GRID2IP: variants seen among roughly 807,000 people sequenced by gnomAD.
The protein encoded by GRID2IP is delphilin.
Under a neutral mutation model 114.3 loss-of-function variants are expected in GRID2IP, and 78 were observed. The ratio of observed to expected loss-of-function variants is 0.68; its 90% CI spans 0.57 to 0.82. The LOEUF (loss-of-function observed/expected upper bound fraction) is 0.82, where lower values mean the gene tolerates loss of function less well. Among genes scored for constraint, GRID2IP ranks in the 40% least tolerant of loss-of-function variants. The pLI, the probability that GRID2IP is intolerant of heterozygous loss-of-function variation, is 0.00. For missense variants in GRID2IP, 1,727 were observed against 1,678.5 expected, an observed-to-expected ratio of 1.03 and a Z score of -0.51; for synonymous variants, 809 against 724.0, an observed-to-expected ratio of 1.12 and a Z score of -1.89.
chr7:6,516,793 G>T lies in GRID2IP; in HGVS notation c.1269-2264C>A, dbSNP rs1195436959. On this transcript the variant is annotated intron_variant, in intron 7 of 21. Coordinates refer to ENST00000457091, the MANE Select transcript of GRID2IP (RefSeq NM_001145118.2). The surrounding 1 kb of genome is among the most constrained non-coding windows in gnomAD (Gnocchi z 4.3). ...ACTAAAGTCTTTAAAATGCATAGAA[G>T]AAATAATTACGTAAGCTGTCCCCTC... Among the ~76,000 whole-genome samples the T allele has an allele frequency of 2.0e-5, 3 of 152,176 alleles. No individual in the cohort carries two copies. The highest frequency in any genetic ancestry group is 4.4e-5 in the Non-Finnish European group (3 of 68,044).
intron 2 of GRID2IP, among the ~76,000 whole-genome samples, chr7:6,529,537 T>C (rs1474980063): frequency 1.3e-5 from 2 of 152,186 alleles, no homozygotes; most frequent in Non-Finnish European, 2.9e-5. Context: ...GCCCTTTCCT[T>C]ACTTGGTGTT....
In GRID2IP at chr7:6,501,898, C is replaced by T. The variant is rs1297350945; in HGVS notation, c.3282G>A (p.Val1094=). The T allele has an allele frequency of 1.9e-6, 3 of 1,551,344 alleles. No individual in the cohort carries two copies. In the Admixed American group the frequency reaches 5.9e-5, roughly 30 times the overall value. The change falls in exon 20 of 22, where the codon GTG becomes GTA. Residue 1094 remains valine (V), a splice_region_variant and synonymous_variant. Transcript: ENST00000457091. ...GGTCACTGGTCAGGGCCCGTTGGTT[C>T]ACTGTAGGGAAGAGGACAGGGGCTG... The part of the protein sequence containing the change: ...DLPTVPLAAK[V]NQRALTSDLA...
chr7:6,536,742 T>C lies in GRID2IP; in HGVS notation c.584+2976A>G. 1.4e-6 allele frequency: 1 copy of C among 697,024 alleles called. No individual in the cohort carries two copies. The highest frequency in any genetic ancestry group is 2.6e-6 in the Non-Finnish European group (1 of 381,200). 43.2% of individuals were successfully genotyped at this position (697,024 alleles called of 1,614,324 possible). A position where few individuals can be genotyped will look rare whatever the true frequency, so the allele number is the denominator to read the frequency against. ...GGAAGCGCTCAGAGCCAGCGCATCA[T>C]CTCCGCGGCAAATTCGGCTCTAGAA... On this transcript the variant is annotated intron_variant, in intron 2 of 21. Transcript: ENST00000457091. This position sits in a 1 kb window ranked among gnomAD's most constrained non-coding sequence, Gnocchi z 5.3.
In GRID2IP at chr7:6,519,084, A is replaced by G. The variant is rs985920767; in HGVS notation, c.1268+1494T>C. 6.6e-6 allele frequency among the ~76,000 whole-genome samples: 1 copy of G among 151,520 alleles called. No individual in the cohort carries two copies. Among genetic ancestry groups the G allele is most frequent in the Non-Finnish European group, 1.5e-5 (1 of 67,880 alleles). On this transcript the variant is annotated intron_variant, in intron 7 of 21. Coordinates refer to ENST00000457091, the MANE Select transcript of GRID2IP (RefSeq NM_001145118.2). The surrounding 1 kb of genome is among the most constrained non-coding windows in gnomAD (Gnocchi z 4.1). ...CAGGTGCGCACCACCATGCCCAGCT[A>G]ATTTTTTCTTTTTGTAGAGATGGCT...
At chr7:6,500,677 CCT>C (rs755862223) in intron 20 of GRID2IP, among the ~76,000 whole-genome samples, 4 of 152,256 alleles carry the variant, frequency 2.6e-5, no homozygotes, top group African/African-American at 4.8e-5. Flanking sequence ...GCTTTCACCA[CCT>C]ACTGCCCTGG....
At position 6,536,888 on chromosome 7, in the gene GRID2IP, C is replaced by T; in HGVS notation, c.584+2830G>A. On this transcript the variant is annotated intron_variant, in intron 2 of 21. Coordinates refer to ENST00000457091, the MANE Select transcript of GRID2IP (RefSeq NM_001145118.2). This position sits in a 1 kb window ranked among gnomAD's most constrained non-coding sequence, Gnocchi z 5.3. ...TGGTCGCCTATGCTCCGCTGCAGAG[C>T]CGAGAGCTGCGCCGGGGCTGGGGTG... is the stretch of plus-strand genomic sequence containing the variant. 1 of 412,624 alleles carries T rather than the reference C, an allele frequency of 2.4e-6. No individual in the cohort carries two copies. Among genetic ancestry groups the T allele is most frequent in the South Asian group, 1.7e-5 (1 of 58,468 alleles). 25.6% of individuals were successfully genotyped at this position (412,624 alleles called of 1,614,324 possible). A position where few individuals can be genotyped will look rare whatever the true frequency, so the allele number is the denominator to read the frequency against.
At position 6,539,809 on chromosome 7, in the gene GRID2IP, A is replaced by G. The variant is rs1335789441; in HGVS notation, c.493T>C (p.Phe165Leu). ...TCATCCACCCGCTGCTCAGCTGCAA[A>G]CTGCTTCAGTGCAGCGAACACCTGC... ...KEQVFAALKQFAAEQRVDDLV... is the reference protein window; with the variant it reads ...KEQVFAALKQLAAEQRVDDLV... Residue 165 changes from phenylalanine (F) to leucine (L), a missense_variant, in exon 2 of 22, where the codon TTT (phenylalanine) becomes CTT (leucine). By Grantham distance (22) the Phe-to-Leu change is conservative. Coordinates refer to ENST00000457091, the MANE Select transcript of GRID2IP (RefSeq NM_001145118.2). The G allele has an allele frequency of 1.2e-5, 18 of 1,551,024 alleles. No homozygotes were observed. Among genetic ancestry groups the G allele is most frequent in the Non-Finnish European group, 1.4e-5 (16 of 1,146,938 alleles).
At chr7:6,500,291 A>C (rs555124120) in intron 20 of GRID2IP, among the ~76,000 whole-genome samples, 1 of 152,000 alleles carries the variant, frequency 6.6e-6, no homozygotes, top group East Asian at 2.0e-4. Flanking sequence ...GTGAAACCCC[A>C]TCTCTACTAA....
At position 6,521,710 on chromosome 7, in the gene GRID2IP, G is replaced by T. The variant is rs1281122296; in HGVS notation, c.989+178C>A. On this transcript the variant is annotated intron_variant, in intron 5 of 21. Coordinates refer to ENST00000457091, the MANE Select transcript of GRID2IP (RefSeq NM_001145118.2). This position sits in a 1 kb window ranked among gnomAD's most constrained non-coding sequence, Gnocchi z 4.1. ...ATGAACTGAGGTCCTGGCTAGAGTT[G>T]GCGACTGGCGAGGAGGAGGGTTAGA... Among the ~76,000 whole-genome samples, 1 of 152,204 alleles carries T rather than the reference G, an allele frequency of 6.6e-6. No homozygotes were observed. Among genetic ancestry groups the T allele is most frequent in the Non-Finnish European group, 1.5e-5 (1 of 68,042 alleles).
intron 2 of GRID2IP, among the ~76,000 whole-genome samples, chr7:6,539,319 G>T (rs892527380): frequency 1.3e-5 from 2 of 152,064 alleles, no homozygotes; most frequent in African/African-American, 4.8e-5. Flanking sequence ...TAGACATGGG[G>T]TCTTTCTATG....
chr7:6,503,018 T>C lies in GRID2IP; in HGVS notation c.3053A>G (p.Lys1018Arg), dbSNP rs1786460267. The stretch of plus-strand genomic sequence containing the variant: ...GGTACGCCCACTGACCTCCAGGATC[T>C]TGGCGAGCTTCCGACTGTTTTTGAG... ...LELKNSRKLA[K>R]ILEFVLAMGN... The change falls in exon 17 of 22, where the codon AAG becomes AGG. Residue 1018 changes from lysine to arginine, a missense_variant. By Grantham distance (26) the Lys-to-Arg change is conservative. Coordinates refer to ENST00000457091, the MANE Select transcript of GRID2IP (RefSeq NM_001145118.2). 6.4e-7 allele frequency: 1 copy of C among 1,551,426 alleles called. No individual in the cohort carries two copies. The highest frequency in any genetic ancestry group is 1.2e-5 in the South Asian group (1 of 84,066).
intron 2 of GRID2IP, among the ~76,000 whole-genome samples, chr7:6,539,045 C>G (rs1358508258): frequency 1.3e-5 from 2 of 152,142 alleles, no homozygotes; most frequent in Non-Finnish European, 2.9e-5. Flanking sequence ...TGCCATTATC[C>G]TGTCTCAATA....
intron 8 of GRID2IP, among the ~76,000 whole-genome samples, chr7:6,513,274 G>C (rs544929084): frequency 6.6e-6 from 1 of 150,828 alleles, no homozygotes; most frequent in East Asian, 2.0e-4. Context: ...GGAGGCAGTA[G>C]CTTGATCATA....
At position 6,519,966 on chromosome 7, in the gene GRID2IP, A is replaced by C. The variant is rs1779381594; in HGVS notation, c.1268+612T>G. Among the ~76,000 whole-genome samples the C allele has an allele frequency of 1.3e-5, 2 of 151,978 alleles. No homozygotes were observed. The highest frequency in any genetic ancestry group is 4.2e-4 in the South Asian group (2 of 4,804). The stretch of plus-strand genomic sequence containing the variant: ...AGTGCCCACAGGTGGGGCTCTGGTG[A>C]AGGTCCCATCAAGAATGCTGCAGGT... On this transcript the variant is annotated intron_variant, in intron 7 of 21. Transcript: ENST00000457091. This position sits in a 1 kb window ranked among gnomAD's most constrained non-coding sequence, Gnocchi z 4.1.
chr7:6,503,628 T>G lies in GRID2IP; in HGVS notation c.2770A>C (p.Met924Leu). The change falls in exon 16 of 22, where the codon ATG (methionine) becomes CTG (leucine). Residue 924 changes from methionine (M) to leucine (L), a missense_variant. Met to Leu is a conservative substitution (Grantham distance 15). Transcript: ENST00000457091. ...GCGGGCTCCAGGCGCCGGGGCTCCA[T>G]GCTCATCAGCACCTGGCGCAGCTCC... ...PAELRQVLMSMEPRRLEPAHL... is the reference protein window; with the variant it reads ...PAELRQVLMSLEPRRLEPAHL... The G allele has an allele frequency of 2.0e-6, 3 of 1,527,976 alleles. No homozygotes were observed. Among genetic ancestry groups the G allele is most frequent in the Non-Finnish European group, 2.6e-6 (3 of 1,143,970 alleles). The allele number at this position is 1,527,976 out of a possible 1,614,324, so 94.7% of individuals were successfully genotyped here. A position where few individuals can be genotyped will look rare whatever the true frequency, so the allele number is the denominator to read the frequency against.
At position 6,523,166 on chromosome 7, in the gene GRID2IP, A is replaced by G. The variant is rs1252136367; in HGVS notation, c.920-1209T>C. 6.6e-6 allele frequency among the ~76,000 whole-genome samples: 1 copy of G among 152,174 alleles called. No homozygotes were observed. Among genetic ancestry groups the G allele is most frequent in the Admixed American group, 6.6e-5 (1 of 15,266 alleles). ...ATTTGGAAAGTAGGGAAAATGATCA[A>G]TGGCTAAATAAAATATACTCTCAGA... On this transcript the variant is annotated intron_variant, in intron 4 of 21. Transcript: ENST00000457091. This position sits in a 1 kb window ranked among gnomAD's most constrained non-coding sequence, Gnocchi z 4.5.
intron 10 of GRID2IP, 70 bp from the exon 11 acceptor site, chr7:6,510,470 G>A (rs893781828): frequency 6.6e-6 from 9 of 1,356,932 alleles, no homozygotes; most frequent in Non-Finnish European, 8.9e-6. Context: ...TCCAGGCCTG[G>A]GTGGGCCGGG....
Position 6,508,130 on chromosome 7 carries a change from G to A in GRID2IP, c.2399C>T (p.Pro800Leu), listed in dbSNP as rs1786649335. The change falls in exon 13 of 22, where the codon CCA becomes CTA. Residue 800 changes from proline (P) to leucine (L), a missense_variant. Coordinates refer to ENST00000457091, the MANE Select transcript of GRID2IP (RefSeq NM_001145118.2). This position sits in a 1 kb window ranked among gnomAD's most constrained non-coding sequence, Gnocchi z 5.6. ...QLSHPVPPPP[P>L]PPLPPPVPCA... Reference sequence around the variant, plus strand: ...GGGCACGGGTGGGGGCAGGGGCGGTGGGGGTGGTGGAGGGACTGGGTGGCT... The same window carrying A: ...GGGCACGGGTGGGGGCAGGGGCGGTAGGGGTGGTGGAGGGACTGGGTGGCT... 6.6e-7 allele frequency: 1 copy of A among 1,510,398 alleles called. No homozygotes were observed. The highest frequency in any genetic ancestry group is 8.9e-7 in the Non-Finnish European group (1 of 1,128,430). The allele number at this position is 1,510,398 out of a possible 1,614,324, so 93.6% of individuals were successfully genotyped here.
chr7:6,539,832 T>G lies in GRID2IP; in HGVS notation c.470A>C (p.Gln157Pro). 6.4e-7 allele frequency: 1 copy of G among 1,551,394 alleles called. No homozygotes were observed. The highest frequency in any genetic ancestry group is 8.7e-7 in the Non-Finnish European group (1 of 1,146,972). The change falls in exon 2 of 22, where the codon CAG becomes CCG. Residue 157 changes from glutamine to proline, a missense_variant. Coordinates refer to ENST00000457091, the MANE Select transcript of GRID2IP (RefSeq NM_001145118.2). ...AAACTGCTTCAGTGCAGCGAACACC[T>G]GCTCCTTGGCAGTTGGCTGGTCCCC... The part of the protein sequence containing the change: ...ILGDQPTAKE[Q>P]VFAALKQFAA...
Sources: gnomAD v4.1 joint callset for allele counts (sites outside exome capture counted in the v4.1 genomes callset) on GRCh38, gnomAD v4.1.1 for gene constraint, Gnocchi (gnomAD v3.1) non-coding constraint, MANE v1.5 for transcripts, NCBI Gene and HGNC (gene_info 2026-07-23, HGNC 2026-07-21) for gene names.